GRIK4: variants seen among roughly 807,000 people sequenced by gnomAD.
GRIK4 encodes the protein glutamate receptor ionotropic, kainate 4.
In GRIK4, 40 loss-of-function variants were observed where a neutral mutation model predicts 104.9. The ratio of observed to expected loss-of-function variants is 0.38; its 90% confidence interval spans 0.30 to 0.50. The LOEUF (loss-of-function observed/expected upper bound fraction) is 0.50, where lower values mean the gene tolerates loss of function less well. Among genes scored for constraint, GRIK4 ranks in the 20% least tolerant of loss-of-function variants. GRIK4 has a pLI of 0.93. For missense variants in GRIK4, 1,047 were observed against 1,308.1 expected, an observed-to-expected ratio of 0.80 and a Z score of 3.08; for synonymous variants, 485 against 524.9, an observed-to-expected ratio of 0.92 and a Z score of 1.04.
At chr11:120,645,762 C>T (rs779822239) in intron 1 of GRIK4, among the ~76,000 whole-genome samples, 10 of 152,232 alleles carry the variant, frequency 6.6e-5, no homozygotes, top group South Asian at 2.1e-4. Flanking sequence ...CCCGCCTTCA[C>T]GTTCCCTTGC....
intron 3 of GRIK4, among the ~76,000 whole-genome samples, chr11:120,690,779 A>T (rs778121520): frequency 6.6e-6 from 1 of 152,160 alleles, no homozygotes; most frequent in Non-Finnish European, 1.5e-5. Flanking sequence ...GCCCAGATTT[A>T]ACTTTCTCTT....
At chr11:120,512,780 C>A (rs1214285693) in intron 1 of GRIK4, among the ~76,000 whole-genome samples, 1 of 152,160 alleles carries the variant, frequency 6.6e-6, no homozygotes, top group East Asian at 1.9e-4. Context: ...CTGAGAGCAC[C>A]TGTGTCTCTT....
intron 12 of GRIK4, among the ~76,000 whole-genome samples, chr11:120,899,262 A>T (rs1195342874): frequency 6.6e-6 from 1 of 152,016 alleles, no homozygotes; most frequent in Non-Finnish European, 1.5e-5. Context: ...ACTAAAAAAA[A>T]ATAGAAAAAT....
intron 8 of GRIK4, among the ~76,000 whole-genome samples, chr11:120,843,701 G>A (rs918760107): frequency 4.5e-3 from 5 of 1,116 alleles, no homozygotes; most frequent in Admixed American, 0.038. Flanking sequence ...GCTGGGCTTC[G>A]GTTTTTTTAT....
chr11:120,727,542 G>C (rs1951052554), intron 3 of GRIK4, among the ~76,000 whole-genome samples: 1 of 152,146 alleles, frequency 6.6e-6, no homozygotes, highest in Non-Finnish European at 1.5e-5. Flanking sequence ...AAAAGTTACT[G>C]TAAGAAAGAG....
intron 8 of GRIK4, among the ~76,000 whole-genome samples, chr11:120,838,131 A>G (rs1953623214): frequency 6.6e-6 from 1 of 152,240 alleles, no homozygotes; most frequent in Admixed American, 6.5e-5. Context: ...TTTCCCATTC[A>G]TAGAAATCAT....
At chr11:120,639,704 T>G (rs922816139) in intron 1 of GRIK4, among the ~76,000 whole-genome samples, 1 of 152,226 alleles carries the variant, frequency 6.6e-6, no homozygotes, top group African/African-American at 2.4e-5. Flanking sequence ...TCTACCTTCC[T>G]CATGTCTATC....
At chr11:120,813,666 G>A (rs962582590) in intron 4 of GRIK4, among the ~76,000 whole-genome samples, 6 of 152,140 alleles carry the variant, frequency 3.9e-5, no homozygotes, top group African/African-American at 1.2e-4. Context: ...CCTGTACCCC[G>A]TTCAGATGAT....
Position 120,511,872 on chromosome 11 carries a change from G to A in GRIK4, c.-174G>A, listed in dbSNP as rs1947659860. On this transcript the variant is annotated 5_prime_UTR_variant, in exon 1 of 21. In the 5' UTR this introduces an upstream ATG that the reference lacks. Transcript: ENST00000527524. ...CCCGGCCCCCGGCTCAGCCCCCGGAGTGCGGAGCCGACCAGGTAAGGGCAG... is the reference window on the plus strand; with the variant it reads ...CCCGGCCCCCGGCTCAGCCCCCGGAATGCGGAGCCGACCAGGTAAGGGCAG... 3 of 316,910 alleles carry A rather than the reference G, an allele frequency of 9.5e-6. No homozygotes were observed. The highest frequency in any genetic ancestry group is 1.9e-5 in the Non-Finnish European group (3 of 155,396). The allele number at this position is 316,910 out of a possible 1,614,324, so 19.6% of individuals were successfully genotyped here. A position where few individuals can be genotyped will look rare whatever the true frequency, so the allele number is the denominator to read the frequency against.
intron 3 of GRIK4, among the ~76,000 whole-genome samples, chr11:120,674,484 C>G (rs986662905): frequency 7.9e-5 from 12 of 152,252 alleles, no homozygotes; most frequent in Non-Finnish European, 1.6e-4. Flanking sequence ...TTTGAAACCA[C>G]TGCAGCAGGT....
At chr11:120,616,051 C>G (rs1479721987) in intron 1 of GRIK4, among the ~76,000 whole-genome samples, 1 of 152,090 alleles carries the variant, frequency 6.6e-6, no homozygotes, top group Admixed American at 6.5e-5. Context: ...GGTCAAGCAC[C>G]CGGGATCCAT....
intron 4 of GRIK4, among the ~76,000 whole-genome samples, chr11:120,813,927 T>C (rs1477295929): frequency 6.6e-6 from 1 of 152,258 alleles, no homozygotes; most frequent in Non-Finnish European, 1.5e-5. Flanking sequence ...TTGGCTCTGA[T>C]ACCACAGTGT....
chr11:120,708,511 G>C (rs1950667192), intron 3 of GRIK4, among the ~76,000 whole-genome samples: 1 of 151,232 alleles, frequency 6.6e-6, no homozygotes, highest in Non-Finnish European at 1.5e-5. Flanking sequence ...GCTAGCCCTG[G>C]CAGCTGGCAG....
intron 13 of GRIK4, among the ~76,000 whole-genome samples, chr11:120,936,862 G>C (rs7939524): frequency 3.4e-5 from 5 of 146,432 alleles, no homozygotes; most frequent in Non-Finnish European, 7.5e-5. Context: ...GCCCCCACCT[G>C]CCCCCCAGGA....
intron 6 of GRIK4, among the ~76,000 whole-genome samples, chr11:120,830,506 C>T (rs1426728250): frequency 2.0e-5 from 3 of 152,040 alleles, no homozygotes; most frequent in Non-Finnish European, 2.9e-5. Context: ...GAAAGTCTTC[C>T]GGGGTTGTAG....
intron 1 of GRIK4, among the ~76,000 whole-genome samples, chr11:120,527,862 T>C (rs1270397330): frequency 6.6e-6 from 1 of 152,256 alleles, no homozygotes; most frequent in East Asian, 1.9e-4. Flanking sequence ...GGAACCAGCC[T>C]CACCTCCTCT....
At chr11:120,630,073 G>A (rs1036832842) in intron 1 of GRIK4, among the ~76,000 whole-genome samples, 1 of 152,240 alleles carries the variant, frequency 6.6e-6, no homozygotes, top group African/African-American at 2.4e-5. Flanking sequence ...CCAGGGTCTA[G>A]GAGTCCTTCT....
intron 3 of GRIK4, among the ~76,000 whole-genome samples, chr11:120,757,811 G>T (rs1951678679): frequency 6.6e-6 from 1 of 152,142 alleles, no homozygotes; most frequent in South Asian, 2.1e-4. Context: ...GCTTCGGAGG[G>T]CAGGATCACT....
At chr11:120,778,409 G>A (rs1952084931) in intron 3 of GRIK4, among the ~76,000 whole-genome samples, 1 of 152,204 alleles carries the variant, frequency 6.6e-6, no homozygotes, top group African/African-American at 2.4e-5. Flanking sequence ...ATATCCCTAT[G>A]CCTTATAGAC....
Sources: gnomAD v4.1 joint callset for allele counts (sites outside exome capture counted in the v4.1 genomes callset) on GRCh38, gnomAD v4.1.1 for gene constraint, MANE v1.5 for transcripts, NCBI Gene and HGNC (gene_info 2026-07-23, HGNC 2026-07-21) for gene names.